CGNL1: variants seen among roughly 807,000 people sequenced by gnomAD.
CGNL1 encodes the protein cingulin-like protein 1.
A neutral mutation model predicts 141.2 loss-of-function variants in CGNL1; 132 were observed. The ratio of observed to expected loss-of-function variants is 0.93; its 90% confidence interval spans 0.81 to 1.08. The LOEUF is 1.08. Among genes scored for constraint, CGNL1 ranks in the 50% least tolerant of loss-of-function variants. CGNL1 has a pLI of 0.00. For missense variants in CGNL1, 1,870 were observed against 1,588.6 expected (o/e 1.18, Z -3.01); for synonymous variants, 690 against 622.1 (o/e 1.11, Z -1.63).
chr15:57,449,303 C>T (rs374956737), intron 4 of CGNL1, among the ~76,000 whole-genome samples: 18 of 152,344 alleles, frequency 1.2e-4, no homozygotes, highest in East Asian at 3.9e-4. Flanking sequence ...ATACCCTGAC[C>T]TTGAAATCCC....
chr15:57,412,507 T>G lies in CGNL1; in HGVS notation c.-15-25478T>G, dbSNP rs147994427. 2.4e-3 allele frequency among the ~76,000 whole-genome samples: 360 copies of G among 152,318 alleles called. 1 individual carries two copies. The highest frequency in any genetic ancestry group is 8.0e-3 in the African/African-American group (334 of 41,550). On this transcript the variant is annotated intron_variant, in intron 1 of 18. Transcript: ENST00000281282. ...AGATGGCATCTTTGATTATCACATT[T>G]CCCAGGAACCTGGCTGATGCGGGAC...
chr15:57,439,655 T>C, intron 2 of CGNL1, 54 bp downstream of exon 2: 3 of 1,532,160 alleles, frequency 2.0e-6, no homozygotes, highest in Non-Finnish European at 2.7e-6. Flanking sequence ...CTAAATAATG[T>C]AATGATGTAC....
In CGNL1 at chr15:57,438,483, T is replaced by C. The variant is rs1231564390; in HGVS notation, c.484T>C (p.Leu162=). ...LQPYDPEKNE[L]NLQNHQPSES... The stretch of plus-strand genomic sequence containing the variant: ...ACCCTATGACCCTGAAAAGAATGAG[T>C]TGAATTTACAAAATCACCAGCCTTC... Residue 162 remains leucine, a synonymous_variant, in exon 2 of 19, where the codon TTG becomes CTG. Transcript: ENST00000281282. The C allele has an allele frequency of 1.9e-6, 3 of 1,613,912 alleles. No individual in the cohort carries two copies. The highest frequency in any genetic ancestry group is 2.7e-5 in the African/African-American group (2 of 74,866).
intron 8 of CGNL1, among the ~76,000 whole-genome samples, chr15:57,511,697 A>G (rs1036599811): frequency 1.3e-5 from 2 of 152,232 alleles, no homozygotes; most frequent in African/African-American, 4.8e-5. Flanking sequence ...GTGATGATCC[A>G]ATCTTGAAAA....
At chr15:57,459,094 T>C (rs2063415084) in intron 7 of CGNL1, among the ~76,000 whole-genome samples, 1 of 152,228 alleles carries the variant, frequency 6.6e-6, no homozygotes, top group Non-Finnish European at 1.5e-5. Flanking sequence ...AAGTAGCTTA[T>C]CATCTCTGAA....
At position 57,548,538 on chromosome 15, in the gene CGNL1, C is replaced by T. The variant is rs3742966; in HGVS notation, c.*1048C>T. The T allele has an allele frequency of 0.32, 47,988 of 152,172 alleles. 9,170 individuals carry two copies. The highest frequency in any genetic ancestry group is 0.42 in the Non-Finnish European group (28,330 of 67,986). The allele number at this position is 152,172 out of a possible 1,614,324, so 9.4% of individuals were successfully genotyped here. A position where few individuals can be genotyped will look rare whatever the true frequency, so the allele number is the denominator to read the frequency against. ...GCCAGAAGGTTGCTTGTGTCTGTGA[C>T]TGCAGCTATGGCCTTGTTTGCTTAG... is the stretch of plus-strand genomic sequence containing the variant. On this transcript the variant is annotated 3_prime_UTR_variant, in exon 19 of 19. Coordinates refer to ENST00000281282, the MANE Select transcript of CGNL1 (RefSeq NM_032866.5).
chr15:57,531,113 G>T (rs972863033), intron 13 of CGNL1, among the ~76,000 whole-genome samples: 2 of 152,208 alleles, frequency 1.3e-5, no homozygotes, highest in Admixed American at 6.5e-5. Flanking sequence ...AGCCAACAAA[G>T]AAACCACCAA....
At chr15:57,457,655 C>T (rs1203223570) in intron 7 of CGNL1, among the ~76,000 whole-genome samples, 8 of 152,178 alleles carry the variant, frequency 5.3e-5, no homozygotes, top group Non-Finnish European at 1.2e-4. Flanking sequence ...CACATGGTGG[C>T]AAACAAGAGG....
intron 10 of CGNL1, among the ~76,000 whole-genome samples, 173 bp downstream of exon 10, chr15:57,518,670 G>C (rs2031024788): frequency 6.6e-6 from 1 of 152,148 alleles, no homozygotes; most frequent in African/African-American, 2.4e-5. Flanking sequence ...TTCTCAACTG[G>C]GGGGGATTTG....
Position 57,387,353 on chromosome 15 carries a change from C to T in CGNL1, c.-16+10786C>T, listed in dbSNP as rs572913085. Among the ~76,000 whole-genome samples, 69 of 152,302 alleles carry T rather than the reference C, an allele frequency of 4.5e-4. 1 individual carries two copies. The South Asian group carries it at 0.013, about 30-fold the overall frequency. ...CATCAGGCCTGTGGTTCTCTGAAGTCATGCCCTGTTTTCAAGTTTTAAACT... is the reference window on the plus strand; with the variant it reads ...CATCAGGCCTGTGGTTCTCTGAAGTTATGCCCTGTTTTCAAGTTTTAAACT... On this transcript the variant is annotated intron_variant, in intron 1 of 18. Transcript: ENST00000281282.
intron 8 of CGNL1, among the ~76,000 whole-genome samples, chr15:57,468,477 T>C (rs2152342147): frequency 6.6e-6 from 1 of 152,074 alleles, no homozygotes; most frequent in South Asian, 2.1e-4. Flanking sequence ...GGCCATCTGC[T>C]CACGTCAGCC....
chr15:57,448,507 G>A (rs566369082), intron 4 of CGNL1, among the ~76,000 whole-genome samples: 27 of 152,104 alleles, frequency 1.8e-4, no homozygotes, highest in Admixed American at 1.1e-3. Flanking sequence ...AATTAACCAG[G>A]TGTGATGGTG....
chr15:57,457,727 C>T (rs1280418), intron 7 of CGNL1, among the ~76,000 whole-genome samples: 5,917 of 152,220 alleles, frequency 0.039, 146 homozygotes, highest in East Asian at 0.075. Context: ...GAGACTTACT[C>T]ACTACCACAA....
chr15:57,433,248 G>A (rs924635815), intron 1 of CGNL1, among the ~76,000 whole-genome samples: 8 of 151,198 alleles, frequency 5.3e-5, no homozygotes, highest in Non-Finnish European at 8.8e-5. Context: ...CAGCCCTCAC[G>A]CATCACTTCA....
chr15:57,474,217 T>G (rs1041190680), intron 8 of CGNL1, among the ~76,000 whole-genome samples: 1 of 152,114 alleles, frequency 6.6e-6, no homozygotes, highest in African/African-American at 2.4e-5. Context: ...AGCCTTTGAG[T>G]CACTGCTTGA....
chr15:57,433,907 A>G (rs1567619), intron 1 of CGNL1, among the ~76,000 whole-genome samples: 4 of 142,812 alleles, frequency 2.8e-5, no homozygotes, highest in Non-Finnish European at 6.2e-5. Flanking sequence ...ACTGAAATGT[A>G]TGGGTTCTTC....
In CGNL1 at chr15:57,438,939, C is replaced by A; in HGVS notation, c.940C>A (p.Leu314Met). Residue 314 changes from leucine to methionine, a missense_variant, in exon 2 of 19, where the codon CTG becomes ATG. By Grantham distance (15) the Leu-to-Met change is conservative (BLOSUM62 2). Coordinates refer to ENST00000281282, the MANE Select transcript of CGNL1 (RefSeq NM_032866.5). ...AGCCAACTCTTTGTACAGGTTTTTACTGGATGATCAGGAATGTGCCATCCA... is the reference window on the plus strand; with the variant it reads ...AGCCAACTCTTTGTACAGGTTTTTAATGGATGATCAGGAATGTGCCATCCA... ...TSANSLYRFLLDDQECAIHAD... is the reference protein window; with the variant it reads ...TSANSLYRFLMDDQECAIHAD... 6.2e-7 allele frequency: 1 copy of A among 1,614,228 alleles called. No individual in the cohort carries two copies. Among genetic ancestry groups the A allele is most frequent in the Non-Finnish European group, 8.5e-7 (1 of 1,180,044 alleles).
At chr15:57,515,572 G>C (rs566354502) in intron 8 of CGNL1, among the ~76,000 whole-genome samples, 26 of 152,134 alleles carry the variant, frequency 1.7e-4, no homozygotes, top group Non-Finnish European at 3.4e-4. Flanking sequence ...CATCTTTGTA[G>C]TAGTGGAGAA....
At chr15:57,400,691 T>C (rs889311166) in intron 1 of CGNL1, among the ~76,000 whole-genome samples, 13 of 152,050 alleles carry the variant, frequency 8.5e-5, no homozygotes, top group African/African-American at 3.1e-4. Flanking sequence ...GAGACCAGCC[T>C]GGCTAACCTG....
Sources: allele counts gnomAD v4.1 joint callset (sites outside exome capture counted in the v4.1 genomes callset), GRCh38; gene constraint gnomAD v4.1.1; transcripts MANE v1.5; gene names NCBI Gene and HGNC (gene_info 2026-07-23, HGNC 2026-07-21).